RASA1: variants seen among roughly 807,000 people sequenced by gnomAD.
The protein encoded by RASA1 is ras GTPase-activating protein 1.
In RASA1, 25 loss-of-function variants were observed where a neutral mutation model predicts 132.2. The ratio of observed to expected loss-of-function variants is 0.19; its 90% CI spans 0.14 to 0.26. The LOEUF is 0.26. Ranked by LOEUF, RASA1 falls within the 10% of genes least tolerant of loss-of-function variation. The probability of loss-of-function intolerance (pLI) is 1.00; values close to 1 mark genes in which losing one functional copy is unlikely to be tolerated. For synonymous variants in RASA1, 477 were observed against 449.9 expected, an observed-to-expected ratio of 1.06 and a Z score of -0.76; for missense variants, 964 against 1,299.2, an observed-to-expected ratio of 0.74 and a Z score of 3.97.
chr5:87,349,101 G>A, intron 7 of RASA1, 113 bp from the exon 8 acceptor site: 2 of 1,288,432 alleles, frequency 1.6e-6, no homozygotes, highest in Non-Finnish European at 2.2e-6. Context: ...ACAAGTTCCT[G>A]GTGAAAATTT....
intron 1 of RASA1, among the ~76,000 whole-genome samples, chr5:87,275,714 GTGCGTGCCACCACGTCCAGC>G (rs1412387499): frequency 6.6e-6 from 1 of 152,112 alleles, no homozygotes; most frequent in Non-Finnish European, 1.5e-5. Context: ...GGCATTACAG[GTGCGTGCCACCACGTCCAGC>G]TAATTTTTGT....
At chr5:87,305,336 A>G (rs1475743471) in intron 1 of RASA1, among the ~76,000 whole-genome samples, 1 of 152,162 alleles carries the variant, frequency 6.6e-6, no homozygotes, top group East Asian at 1.9e-4. Flanking sequence ...GAACCTGGAA[A>G]TAAGACCTCA....
At chr5:87,301,414 G>A (rs6893772) in intron 1 of RASA1, among the ~76,000 whole-genome samples, 64,161 of 151,634 alleles carry the variant, frequency 0.42, 13,551 homozygotes, top group Middle Eastern at 0.49. Context: ...TAACAAGTGG[G>A]TGTACCTGTG....
chr5:87,270,597 T>C (rs528882193), intron 1 of RASA1, among the ~76,000 whole-genome samples: 8 of 139,464 alleles, frequency 5.7e-5, no homozygotes, highest in Non-Finnish European at 3.1e-5. Context: ...TCCGCCGGCC[T>C]CAGCCTCCCA....
chr5:87,312,599 T>C (rs1009033307), intron 1 of RASA1, among the ~76,000 whole-genome samples: 14 of 152,190 alleles, frequency 9.2e-5, no homozygotes, highest in African/African-American at 3.1e-4. Flanking sequence ...GTCTCCTCTT[T>C]CTGGGCTAGA....
At chr5:87,271,134 A>C (rs1753812212) in intron 1 of RASA1, among the ~76,000 whole-genome samples, 1 of 152,060 alleles carries the variant, frequency 6.6e-6, no homozygotes, top group African/African-American at 2.4e-5. Flanking sequence ...GCTTCTTAGG[A>C]GGCTGAGGCA....
At chr5:87,361,129 T>G (rs1760058274) in intron 9 of RASA1, among the ~76,000 whole-genome samples, 1 of 152,200 alleles carries the variant, frequency 6.6e-6, no homozygotes, top group Non-Finnish European at 1.5e-5. Flanking sequence ...GGTTTTGCAG[T>G]TCATTTAGTG....
intron 1 of RASA1, among the ~76,000 whole-genome samples, chr5:87,319,140 C>A (rs1440879432): frequency 6.6e-6 from 1 of 152,226 alleles, no homozygotes; most frequent in East Asian, 1.9e-4. Context: ...CAGCTCTGCC[C>A]CATGGCTCTG....
At chr5:87,364,783 A>G (rs1703909028) in intron 11 of RASA1, among the ~76,000 whole-genome samples, 1 of 152,154 alleles carries the variant, frequency 6.6e-6, no homozygotes, top group Non-Finnish European at 1.5e-5. Context: ...ATTCACTCCC[A>G]TAATTATTAA....
chr5:87,269,072 C>T (rs752140377), intron 1 of RASA1, 82 bp downstream of exon 1: 28 of 1,613,950 alleles, frequency 1.7e-5, no homozygotes, highest in Non-Finnish European at 2.3e-5. Flanking sequence ...CATACTTTGT[C>T]CTTTTCATCT....
At chr5:87,312,868 A>C (rs1332718201) in intron 1 of RASA1, among the ~76,000 whole-genome samples, 1 of 152,236 alleles carries the variant, frequency 6.6e-6, no homozygotes, top group African/African-American at 2.4e-5. Context: ...AGAAAAAAAC[A>C]GATTTGTTAG....
At position 87,279,522 on chromosome 5, in the gene RASA1, G is replaced by A. The variant is rs1754219616; in HGVS notation, c.539+10532G>A. Among the ~76,000 whole-genome samples the A allele has an allele frequency of 2.6e-5, 4 of 152,054 alleles. No homozygotes were observed. The South Asian group carries it at 8.3e-4, about 32-fold the overall frequency. ...TTTCATTTCTGTCAGTTAAGTCCCC[G>A]AGAGTACAATTACTGGATTGTATGA... On this transcript the variant is annotated intron_variant, in intron 1 of 24. Transcript: ENST00000274376.
intron 1 of RASA1, among the ~76,000 whole-genome samples, chr5:87,321,201 A>G (rs1172298018): frequency 6.6e-6 from 1 of 152,206 alleles, no homozygotes; most frequent in Non-Finnish European, 1.5e-5. Context: ...TTTTATGTCT[A>G]GGAAGATAAG....
chr5:87,314,740 TA>T (rs1031605229), intron 1 of RASA1, among the ~76,000 whole-genome samples: 39 of 146,712 alleles, frequency 2.7e-4, no homozygotes, highest in African/African-American at 2.5e-4. Context: ...GATGGTCATT[TA>T]AAAAAAAAAA....
intron 1 of RASA1, among the ~76,000 whole-genome samples, chr5:87,302,619 T>TATAGA (rs1755419557): frequency 6.6e-6 from 1 of 151,674 alleles, no homozygotes; most frequent in Non-Finnish European, 1.5e-5. Context: ...TATAGTATAC[T>TATAGA]ATACTAAAGC....
chr5:87,363,599 T>A (rs1561311624), intron 11 of RASA1, 95 bp downstream of exon 11: 1 of 1,397,082 alleles, frequency 7.2e-7, no homozygotes, highest in East Asian at 2.3e-5. Flanking sequence ...TAAAATCATC[T>A]TCTAAAAGTA....
chr5:87,279,968 A>G (rs976659855), intron 1 of RASA1, among the ~76,000 whole-genome samples: 3 of 152,246 alleles, frequency 2.0e-5, no homozygotes, highest in African/African-American at 7.2e-5. Context: ...ACCCCCAGGG[A>G]GGCTGCTAGC....
At chr5:87,302,550 G>A (rs1185470584) in intron 1 of RASA1, among the ~76,000 whole-genome samples, 3 of 148,004 alleles carry the variant, frequency 2.0e-5, no homozygotes, top group South Asian at 2.2e-4. Flanking sequence ...CTTTGTGGTC[G>A]AAGTGTAACA....
chr5:87,350,059 AG>A (rs1759146454), intron 8 of RASA1, among the ~76,000 whole-genome samples: 1 of 151,880 alleles, frequency 6.6e-6, no homozygotes, highest in Non-Finnish European at 1.5e-5. Flanking sequence ...ATATTTGCCT[AG>A]TTTAACCCCT....
Sources: gnomAD v4.1 joint callset for allele counts (sites outside exome capture counted in the v4.1 genomes callset) on GRCh38, gnomAD v4.1.1 for gene constraint, MANE v1.5 for transcripts, NCBI Gene and HGNC (gene_info 2026-07-23, HGNC 2026-07-21) for gene names.